DPH6: variants seen among roughly 807,000 people sequenced by gnomAD.
The protein encoded by DPH6 is diphthine--ammonia ligase.
DPH6 carries 33 observed loss-of-function variants against 38.2 expected under a neutral mutation model. The observed-to-expected ratio is 0.86, with a 90% CI of 0.65 to 1.15. DPH6 has a LOEUF of 1.15. Ranked by LOEUF, DPH6 falls within the 50% of genes most tolerant of loss-of-function variation. The pLI is 0.00. For missense variants in DPH6, 325 were observed against 320.0 expected, an observed-to-expected ratio of 1.02 and a Z score of -0.12; for synonymous variants, 108 against 103.0, an observed-to-expected ratio of 1.05 and a Z score of -0.30.
At chr15:35,318,838 C>A (rs2052215661) in intron 3 of DPH6, among the ~76,000 whole-genome samples, 1 of 151,990 alleles carries the variant, frequency 6.6e-6, no homozygotes, top group African/African-American at 2.4e-5. Context: ...TAGATGAAAT[C>A]ATATATAAAT....
the DPH6 span, among the ~76,000 whole-genome samples, chr15:35,193,592 G>T: frequency 6.6e-6 from 1 of 152,168 alleles, no homozygotes; most frequent in South Asian, 2.1e-4. Context: ...TTTCAATAAG[G>T]TCCCTTTCAA....
At chr15:35,536,941 G>T (rs1467829817) in intron 3 of DPH6, among the ~76,000 whole-genome samples, 1 of 151,986 alleles carries the variant, frequency 6.6e-6, no homozygotes, top group Admixed American at 6.6e-5. Context: ...GAAGAAAGCA[G>T]GTCCTTGTGA....
chr15:35,255,154 G>A (rs1402870894), intron 3 of DPH6, among the ~76,000 whole-genome samples: 1 of 152,152 alleles, frequency 6.6e-6, no homozygotes, highest in African/African-American at 2.4e-5. Context: ...TTTTGAAAAC[G>A]GAGAACTATG....
intron 3 of DPH6, among the ~76,000 whole-genome samples, chr15:35,288,977 G>A (rs1459058731): frequency 6.6e-6 from 1 of 152,112 alleles, no homozygotes; most frequent in Non-Finnish European, 1.5e-5. Context: ...TAGTTCTAAA[G>A]TCCAGAAAAT....
chr15:35,341,643 G>C (rs754619638), intron 3 of DPH6, among the ~76,000 whole-genome samples: 1 of 152,278 alleles, frequency 6.6e-6, no homozygotes, highest in South Asian at 2.1e-4. Context: ...TTTGCTGGGG[G>C]TCCACTCCAG....
At position 35,382,450 on chromosome 15, in the gene DPH6, A is replaced by AAC. The variant is rs56269036; in HGVS notation, c.568-536_568-535dup. On this transcript the variant is annotated intron_variant, in intron 6 of 8. Transcript: ENST00000256538. The stretch of plus-strand genomic sequence containing the variant: ...CGTCAAAAATAAAAACGAAAAACAA[A>AAC]ACACACACACACACACACACACAAA... Among the ~76,000 whole-genome samples the AAC allele has an allele frequency of 5.0e-3, 759 of 150,298 alleles. 6 individuals are homozygous for AAC. Among genetic ancestry groups the AAC allele is most frequent in the South Asian group, 0.016 (76 of 4,752 alleles).
In DPH6 at chr15:35,374,901, A is replaced by C. The variant is rs372904361; in HGVS notation, c.663-1293T>G. Among the ~76,000 whole-genome samples, 5 of 152,098 alleles carry C rather than the reference A, an allele frequency of 3.3e-5. No homozygotes were observed. In the East Asian group the frequency reaches 5.8e-4, roughly 18 times the overall value. Reference sequence around the variant, plus strand: ...GACCCCAACTTGGTTTGTTAGCCCTAATCTTACTGTTTTTCCATTTCCTCC... The same window carrying C: ...GACCCCAACTTGGTTTGTTAGCCCTCATCTTACTGTTTTTCCATTTCCTCC... On this transcript the variant is annotated intron_variant, in intron 7 of 8. Coordinates refer to ENST00000256538, the MANE Select transcript of DPH6 (RefSeq NM_080650.4).
At chr15:35,319,235 A>C (rs189170503) in intron 3 of DPH6, among the ~76,000 whole-genome samples, 1 of 152,282 alleles carries the variant, frequency 6.6e-6, no homozygotes, top group African/African-American at 2.4e-5. Flanking sequence ...TGTAAAAGAA[A>C]ATTAAAAAAC....
chr15:35,289,843 A>C (rs2051968137), intron 3 of DPH6, among the ~76,000 whole-genome samples: 1 of 152,234 alleles, frequency 6.6e-6, no homozygotes, highest in Non-Finnish European at 1.5e-5. Flanking sequence ...CTTTTAGAAA[A>C]TGTAGTAAAT....
chr15:35,328,361 G>T (rs977692485), downstream of DPH6, among the ~76,000 whole-genome samples: 31 of 150,684 alleles, frequency 2.1e-4, no homozygotes, highest in African/African-American at 7.6e-4. Context: ...TTCCCTTTTT[G>T]TCTCTCTCTC....
intron 3 of DPH6, among the ~76,000 whole-genome samples, chr15:35,475,674 C>T (rs1351470458): frequency 6.6e-6 from 1 of 151,630 alleles, no homozygotes; most frequent in East Asian, 1.9e-4. Context: ...ATTTCCTATT[C>T]TGATAGTTGT....
At chr15:35,224,100 GTTTTTT>G (rs142813866) in intron 3 of DPH6, among the ~76,000 whole-genome samples, 3,503 of 88,928 alleles carry the variant, frequency 0.039, 111 homozygotes, top group African/African-American at 0.13. Flanking sequence ...CATGATTTTA[GTTTTTT>G]TTTTTTTTTT....
the DPH6 span, among the ~76,000 whole-genome samples, chr15:35,151,412 T>C: frequency 1.3e-5 from 2 of 152,176 alleles, no homozygotes; most frequent in African/African-American, 2.4e-5. Context: ...ACACTTTGAG[T>C]AGCAGGCATC....
chr15:35,364,229 A>ATG, intron 3 of DPH6, among the ~76,000 whole-genome samples: 1 of 151,996 alleles, frequency 6.6e-6, no homozygotes, highest in Non-Finnish European at 1.5e-5. Flanking sequence ...ATTTATATAT[A>ATG]TGTGGAAAAG....
intron 3 of DPH6, among the ~76,000 whole-genome samples, chr15:35,359,605 C>T (rs1345022553): frequency 6.6e-6 from 1 of 152,170 alleles, no homozygotes; most frequent in Non-Finnish European, 1.5e-5. Context: ...TCAGCTCCAG[C>T]TAAAGTCGGA....
At chr15:35,404,846 T>C (rs931466751) in intron 6 of DPH6, among the ~76,000 whole-genome samples, 2 of 152,136 alleles carry the variant, frequency 1.3e-5, no homozygotes, top group African/African-American at 2.4e-5. Flanking sequence ...TGTAGGAGTT[T>C]CATAATTTGA....
rs551789755 is a variant in DPH6, at chr15:35,237,834, A to G, written n.201-17252T>C. On this transcript the variant is annotated intron_variant and non_coding_transcript_variant, in intron 3 of 3. Coordinates refer to the DPH6 transcript ENST00000560386. The stretch of plus-strand genomic sequence containing the variant: ...GGCTACGTGGAGGGCCTGGAGGAGG[A>G]GGAGGAGGATGAGGATGAGGAGGAG... 107 of 1,544,912 alleles carry G rather than the reference A, an allele frequency of 6.9e-5. No individual in the cohort carries two copies. In the Middle Eastern group the frequency reaches 8.4e-4, roughly 12 times the overall value.
At chr15:35,224,124 T>TTTTTTTTC in intron 3 of DPH6, among the ~76,000 whole-genome samples, 1 of 140,432 alleles carries the variant, frequency 7.1e-6, no homozygotes, top group Non-Finnish European at 1.5e-5. Context: ...TTTTTTTTTT[T>TTTTTTTTC]GAGACCAAGT....
Position 35,521,731 on chromosome 15 carries a change from C to T in DPH6, c.312+16543G>A, listed in dbSNP as rs1595439996. 4.1e-6 allele frequency: 5 copies of T among 1,231,488 alleles called. No individual in the cohort carries two copies. The East Asian group carries it at 1.6e-4, about 39-fold the overall frequency. 76.3% of individuals were successfully genotyped at this position (1,231,488 alleles called of 1,614,324 possible). A position where few individuals can be genotyped will look rare whatever the true frequency, so the allele number is the denominator to read the frequency against. On this transcript the variant is annotated intron_variant, in intron 3 of 8. Coordinates refer to ENST00000256538, the MANE Select transcript of DPH6 (RefSeq NM_080650.4). The stretch of plus-strand genomic sequence containing the variant: ...CAATTTTAGTCAACTTTAATTTATG[C>T]AAAGCTTGATTGTGAGCAATAGCTG...
Sources: gnomAD v4.1 joint callset for allele counts (sites outside exome capture counted in the v4.1 genomes callset) on GRCh38, gnomAD v4.1.1 for gene constraint, MANE v1.5 for transcripts, NCBI Gene and HGNC (gene_info 2026-07-23, HGNC 2026-07-21) for gene names.